The following RASGRP4 variants were observed in gnomAD, a reference collection of about 807,000 sequenced individuals.
The protein encoded by RASGRP4 is RAS guanyl releasing protein 4.
RASGRP4 carries 52 observed loss-of-function variants against 84.4 expected under a neutral mutation model. The observed-to-expected ratio is 0.62, with a 90% CI of 0.49 to 0.78. RASGRP4 has a LOEUF of 0.78. Among genes scored for constraint, RASGRP4 ranks in the 30% least tolerant of loss-of-function variants. The probability of loss-of-function intolerance (pLI) is 0.00; values close to 1 mark genes in which losing one functional copy is unlikely to be tolerated. For missense variants in RASGRP4, 760 were observed against 886.9 expected (o/e 0.86, Z 1.82); for synonymous variants, 356 against 359.1 (o/e 0.99, Z 0.10).
Position 38,410,997 on chromosome 19 carries a change from G to T in RASGRP4, c.1854C>A (p.Gly618=). 1.2e-6 allele frequency: 2 copies of T among 1,604,742 alleles called. No individual in the cohort carries two copies. The highest frequency in any genetic ancestry group is 1.3e-5 in the African/African-American group (1 of 74,866). Reference sequence around the variant, plus strand: ...GCGTGTAGGAGTGATTTTCCTCGGAGCCTGTTTGTGGGTGGATGGAAGGGA... The same window carrying T: ...GCGTGTAGGAGTGATTTTCCTCGGATCCTGTTTGTGGGTGGATGGAAGGGA... ...PSTPAPHASC[G]SEENHSYTLS... The change falls in exon 16 of 17, where the codon GGC becomes GGA. Residue 618 remains glycine (G), a splice_region_variant and synonymous_variant. Coordinates refer to ENST00000615439, the MANE Select transcript of RASGRP4 (RefSeq NM_170604.3).
At chr19:38,422,900 C>T (rs1378452630) in intron 1 of RASGRP4, among the ~76,000 whole-genome samples, 2 of 152,064 alleles carry the variant, frequency 1.3e-5, no homozygotes, top group Non-Finnish European at 2.9e-5. Context: ...GCCTGGGGAC[C>T]GCCGCTCAGG....
At chr19:38,420,602 G>A (rs1971702284) in intron 4 of RASGRP4, among the ~76,000 whole-genome samples, 1 of 151,620 alleles carries the variant, frequency 6.6e-6, no homozygotes, top group Non-Finnish European at 1.5e-5. Flanking sequence ...GGGTCTTATG[G>A]GCTAGGCTGG....
At chr19:38,425,193 A>AC (rs1414007290) in intron 1 of RASGRP4, among the ~76,000 whole-genome samples, 1 of 150,118 alleles carries the variant, frequency 6.7e-6, no homozygotes, top group Non-Finnish European at 1.5e-5. Flanking sequence ...CAAAAAAAAA[A>AC]AACAAAAAAA....
intron 1 of RASGRP4, among the ~76,000 whole-genome samples, chr19:38,424,639 T>C (rs1438999300): frequency 1.3e-5 from 2 of 150,376 alleles, no homozygotes; most frequent in African/African-American, 4.9e-5. Flanking sequence ...CTCACTATAT[T>C]TCTCAGGCTG....
In RASGRP4 at chr19:38,418,525, G is replaced by T. The variant is rs1289632791; in HGVS notation, c.703C>A (p.Arg235=). ...LRSYVLQGSV[R]GCPALEGSVG... is the part of the protein sequence containing the mutation. ...GAGCCCTCCAGGGCCGGGCAGCCTC[G>T]TACTGAGCCCTGCAAAACGTAGCTC... is the stretch of plus-strand genomic sequence containing the variant. Residue 235 remains arginine (R), a synonymous_variant, in exon 7 of 17, where the codon CGA becomes AGA. Coordinates refer to ENST00000615439, the MANE Select transcript of RASGRP4 (RefSeq NM_170604.3). This position sits in a 1 kb window ranked among gnomAD's most constrained non-coding sequence, Gnocchi z 4.6. 1.9e-6 allele frequency: 3 copies of T among 1,548,590 alleles called. No homozygotes were observed. Among genetic ancestry groups the T allele is most frequent in the South Asian group, 1.2e-5 (1 of 84,000 alleles).
chr19:38,412,773 G>A lies in RASGRP4; in HGVS notation c.1579C>T (p.Arg527Trp), dbSNP rs375300341. The change falls in exon 13 of 17, where the codon CGG becomes TGG. Residue 527 changes from arginine (R) to tryptophan (W), a missense_variant. Physicochemically the swap from Arg to Trp is moderately radical, Grantham distance 101 (BLOSUM62 -3). Transcript: ENST00000615439. The surrounding 1 kb of genome is among the most constrained non-coding windows in gnomAD (Gnocchi z 4.6). ...SREELTGYLL[R>W]ASAICSKLGL... ...AACTTGGAGCAGATGGCGCTGGCCC[G>A]GAGCAGGTACCCTGTCAGCTCCTCT... 102 of 1,607,586 alleles carry A rather than the reference G, an allele frequency of 6.3e-5. 1 individual carries two copies. The highest frequency in any genetic ancestry group is 6.1e-4 in the East Asian group (27 of 44,626).
At chr19:38,411,050 T>C (rs2145191980) in intron 15 of RASGRP4, 52 bp from the exon 16 acceptor site, 4 of 1,611,132 alleles carry the variant, frequency 2.5e-6, no homozygotes, top group South Asian at 2.2e-5. Flanking sequence ...GGACCTCTTC[T>C]TGACCTTGGA....
chr19:38,424,309 G>T (rs911704278), intron 1 of RASGRP4, among the ~76,000 whole-genome samples: 1 of 152,012 alleles, frequency 6.6e-6, no homozygotes, highest in East Asian at 1.9e-4. Flanking sequence ...TAGTAGAAAT[G>T]GGGTTTCACC....
In RASGRP4 at chr19:38,420,123, TGACTCACAGGTCAGAA is replaced by T; in HGVS notation, c.501_509+7del. 6.2e-7 allele frequency: 1 copy of T among 1,611,892 alleles called. No individual in the cohort carries two copies. The highest frequency in any genetic ancestry group is 8.5e-7 in the Non-Finnish European group (1 of 1,178,822). On this transcript the variant is annotated splice_donor_variant and splice_donor_5th_base_variant and coding_sequence_variant and intron_variant, in exon 5 of 17. Coordinates refer to ENST00000615439, the MANE Select transcript of RASGRP4 (RefSeq NM_170604.3). LOFTEE classifies it high-confidence loss of function. ...GGCAGGGAAGAGGGGAGCACAGGGC[TGACTCACAGGTCAGAA>T]GAGTCTCCCAGTCTTCTCTGGGCTG...
Position 38,411,250 on chromosome 19 carries a change from C to G in RASGRP4, c.1718-1G>C. 2 of 1,613,980 alleles carry G rather than the reference C, an allele frequency of 1.2e-6. No homozygotes were observed. Among genetic ancestry groups the G allele is most frequent in the Non-Finnish European group, 1.7e-6 (2 of 1,179,874 alleles). On this transcript the variant is annotated splice_acceptor_variant, in intron 14 of 16. Transcript: ENST00000615439. LOFTEE classifies it high-confidence loss of function. ...TGTTTGTGGCAACACAGCCCGCACT[C>G]TGGGGGAAGGCAGCGGCAGGGGTCC...
In RASGRP4 at chr19:38,409,265, C is replaced by G. The variant is rs1025767883; in HGVS notation, c.*775G>C. 6.1e-6 allele frequency: 1 copy of G among 163,874 alleles called. No individual in the cohort carries two copies. Among genetic ancestry groups the G allele is most frequent in the Admixed American group, 6.2e-5 (1 of 16,178 alleles). 10.2% of individuals were successfully genotyped at this position (163,874 alleles called of 1,614,324 possible). On this transcript the variant is annotated 3_prime_UTR_variant, in exon 17 of 17. Coordinates refer to ENST00000615439, the MANE Select transcript of RASGRP4 (RefSeq NM_170604.3). ...GGTAAGGAGACATTCAGGCATCAGACAAGCATCTGTCAGGCGCCTACCACC... is the reference window on the plus strand; with the variant it reads ...GGTAAGGAGACATTCAGGCATCAGAGAAGCATCTGTCAGGCGCCTACCACC...
rs373989881 is a variant in RASGRP4, at chr19:38,415,068, C to T, written c.1010G>A (p.Arg337His). 6.2e-7 allele frequency: 1 copy of T among 1,602,346 alleles called. No homozygotes were observed. Among genetic ancestry groups the T allele is most frequent in the Non-Finnish European group, 8.5e-7 (1 of 1,174,886 alleles). Residue 337 changes from arginine (R) to histidine (H), a missense_variant, in exon 9 of 17, where the codon CGC becomes CAC. By Grantham distance (29) the Arg-to-His change is conservative. Transcript: ENST00000615439. ...ACCCGCGCAGCCAGCCCAGGTGCGG[C>T]GGTAGCGGGCGTAGTTGTTGTGGGA... Reference protein sequence around the residue: ...LASHNNYARYRRTWAGCAGFR... With the variant: ...LASHNNYARYHRTWAGCAGFR...
Position 38,410,909 on chromosome 19 carries a change from G to A in RASGRP4, c.1942C>T (p.His648Tyr), listed in dbSNP as rs886638990. The A allele has an allele frequency of 1.2e-6, 2 of 1,601,304 alleles. No individual in the cohort carries two copies. Among genetic ancestry groups the A allele is most frequent in the African/African-American group, 2.7e-5 (2 of 74,740 alleles). ...ACCGTATCTGTTTCCCAGGAAGGGT[G>A]TGGGGATTCAGTCTGGGTCCAGGCA... ...RHAWTQTESP[H>Y]PSWETDTVPC... Residue 648 changes from histidine (H) to tyrosine (Y), a missense_variant, in exon 16 of 17, where the codon CAC becomes TAC. Coordinates refer to ENST00000615439, the MANE Select transcript of RASGRP4 (RefSeq NM_170604.3).
Position 38,412,816 on chromosome 19 carries a change from C to T in RASGRP4, c.1536G>A (p.Gly512=), listed in dbSNP as rs907473019. 1 of 1,608,516 alleles carries T rather than the reference C, an allele frequency of 6.2e-7. No homozygotes were observed. Residue 512 remains glycine, a splice_region_variant and synonymous_variant, in exon 13 of 17, where the codon GGG becomes GGA. Transcript: ENST00000615439. The surrounding 1 kb of genome is among the most constrained non-coding windows in gnomAD (Gnocchi z 4.6). ...GCTCCTCTCTGCTGAAGGATCCTCTCCTGGGGGCAGAAACTGAGCCTCAGC... is the reference window on the plus strand; with the variant it reads ...GCTCCTCTCTGCTGAAGGATCCTCTTCTGGGGGCAGAAACTGAGCCTCAGC... ...CHGLHPPPRQ[G]RGSFSREELT...
At chr19:38,421,236 G>A in intron 2 of RASGRP4, 36 bp from the exon 3 acceptor site, 1 of 1,449,316 alleles carries the variant, frequency 6.9e-7, no homozygotes, top group Non-Finnish European at 9.7e-7. Flanking sequence ...TGACAGAATG[G>A]CCCTCAAGCA....
chr19:38,420,759 C>T, intron 4 of RASGRP4, 149 bp downstream of exon 4: 1 of 728,490 alleles, frequency 1.4e-6, no homozygotes, highest in Non-Finnish European at 2.4e-6. Flanking sequence ...AGGAACCAAG[C>T]TACAGGTGTC....
rs75277561 is a variant in RASGRP4, at chr19:38,422,911, A to G, written c.24-758T>C. ...AAAAGCCTGGGGACCGCCGCTCAGG[A>G]CTGCTCTGAATCTCCCAGGGAATCA... On this transcript the variant is annotated intron_variant, in intron 1 of 16. Coordinates refer to ENST00000615439, the MANE Select transcript of RASGRP4 (RefSeq NM_170604.3). Among the ~76,000 whole-genome samples, 274 of 152,000 alleles carry G rather than the reference A, an allele frequency of 1.8e-3. 6 individuals carry two copies. In the East Asian group the frequency reaches 0.035, roughly 19 times the overall value.
At position 38,418,541 on chromosome 19, in the gene RASGRP4, A is replaced by G. The variant is rs370976124; in HGVS notation, c.687T>C (p.Val229=). 1.6e-5 allele frequency: 25 copies of G among 1,538,254 alleles called. No individual in the cohort carries two copies. In the African/African-American group the frequency reaches 3.4e-4, roughly 21 times the overall value. The change falls in exon 7 of 17, where the codon GTT becomes GTC. Residue 229 remains valine, a synonymous_variant. Transcript: ENST00000615439. The surrounding 1 kb of genome is among the most constrained non-coding windows in gnomAD (Gnocchi z 4.6). ...GGCAGCCTCGTACTGAGCCCTGCAA[A>G]ACGTAGCTCCGCAGGTCCTGGGGCT... ...AITPQDLRSY[V]LQGSVRGCPA...
In RASGRP4 at chr19:38,412,957, A is replaced by T; in HGVS notation, c.1509T>A (p.His503Gln). ...RLSGNFPFAC[H>Q]GLHPPPRQGR... ...CCTGGCGTGGGGGTGGGTGAAGCCC[A>T]TGGCAGGCGAAGGGAAAATTGCCCG... Residue 503 changes from histidine (H) to glutamine (Q), a missense_variant, in exon 12 of 17, where the codon CAT becomes CAA. Coordinates refer to ENST00000615439, the MANE Select transcript of RASGRP4 (RefSeq NM_170604.3). The surrounding 1 kb of genome is among the most constrained non-coding windows in gnomAD (Gnocchi z 4.6). 1 of 1,614,038 alleles carries T rather than the reference A, an allele frequency of 6.2e-7. No individual in the cohort carries two copies. The highest frequency in any genetic ancestry group is 8.5e-7 in the Non-Finnish European group (1 of 1,179,884).
Sources: gnomAD v4.1 joint callset for allele counts (sites outside exome capture counted in the v4.1 genomes callset) on GRCh38, gnomAD v4.1.1 for gene constraint, Gnocchi (gnomAD v3.1) non-coding constraint, MANE v1.5 for transcripts, NCBI Gene and HGNC (gene_info 2026-07-23, HGNC 2026-07-21) for gene names.